PUM2: variants seen among roughly 807,000 people sequenced by gnomAD.
PUM2 encodes the protein pumilio RNA binding family member 2.
A neutral mutation model predicts 124.5 loss-of-function variants in PUM2; 57 were observed. That is an observed-to-expected ratio of 0.46 (90% CI 0.37 to 0.57). PUM2 has a LOEUF of 0.57. Among genes scored for constraint, PUM2 ranks in the 20% least tolerant of loss-of-function variants. The probability of loss-of-function intolerance (pLI) is 0.00; values close to 1 mark genes in which losing one functional copy is unlikely to be tolerated. For missense variants in PUM2, 1,065 were observed against 1,290.6 expected, an observed-to-expected ratio of 0.83 and a Z score of 2.68; for synonymous variants, 460 against 446.1, an observed-to-expected ratio of 1.03 and a Z score of -0.39.
At chr2:20,254,564 A>C (rs1286971918) in intron 19 of PUM2, among the ~76,000 whole-genome samples, 1 of 152,240 alleles carries the variant, frequency 6.6e-6, no homozygotes, top group Non-Finnish European at 1.5e-5. Flanking sequence ...AAAAAAGGAA[A>C]CCAGATCATT....
chr2:20,333,367 C>A (rs1311191452), intron 1 of PUM2, among the ~76,000 whole-genome samples: 2 of 151,848 alleles, frequency 1.3e-5, no homozygotes, highest in East Asian at 3.9e-4. Flanking sequence ...AGACCTAGCT[C>A]TACAAAAAAT....
intron 9 of PUM2, 75 bp from the exon 10 acceptor site, chr2:20,290,865 A>G: frequency 8.4e-7 from 1 of 1,189,004 alleles, no homozygotes; most frequent in South Asian, 2.0e-5. Context: ...ACAACTGTGT[A>G]TTTATTACAA....
chr2:20,350,692 G>A lies in PUM2; in HGVS notation c.-114C>T, dbSNP rs1371004083. 4 of 984,176 alleles carry A rather than the reference G, an allele frequency of 4.1e-6. No homozygotes were observed. The South Asian group carries it at 1.4e-4, about 35-fold the overall frequency. 61.0% of individuals were successfully genotyped at this position (984,176 alleles called of 1,614,324 possible). ...CGGTCCTCCCCCTCCTCCGCCTTCGGTGGCGGCAATGTCTTCTTTCTCCAC... is the reference window on the plus strand; with the variant it reads ...CGGTCCTCCCCCTCCTCCGCCTTCGATGGCGGCAATGTCTTCTTTCTCCAC... On this transcript the variant is annotated 5_prime_UTR_variant, in exon 1 of 21. Coordinates refer to ENST00000361078, the MANE Select transcript of PUM2 (RefSeq NM_015317.5).
At chr2:20,350,107 AC>A (rs1474037303) in intron 1 of PUM2, 1 of 152,236 alleles carries the variant, frequency 6.6e-6, no homozygotes, top group Non-Finnish European at 1.5e-5. Flanking sequence ...ACTGCTTCAT[AC>A]CCACATCTGT....
At chr2:20,292,854 G>A (rs115159587) in intron 9 of PUM2, among the ~76,000 whole-genome samples, 2,188 of 152,194 alleles carry the variant, frequency 0.014, 64 homozygotes, top group African/African-American at 0.049. Flanking sequence ...TTGCTGCCGG[G>A]AGGCAGAGGT....
chr2:20,350,428 C>A lies in PUM2; in HGVS notation c.-19+169G>T, dbSNP rs948498509. ...GCACACCCCCTTCCGGCACCCCTCC[C>A]CCTGCATTGTGCGAGCGGGCCCCAG... On this transcript the variant is annotated intron_variant, in intron 1 of 20. Transcript: ENST00000361078. The A allele has an allele frequency of 1.3e-5, 12 of 946,782 alleles. No individual in the cohort carries two copies. The Admixed American group carries it at 3.7e-4, about 29-fold the overall frequency. 58.6% of individuals were successfully genotyped at this position (946,782 alleles called of 1,614,324 possible).
chr2:20,338,682 A>G (rs1480606124), intron 1 of PUM2, among the ~76,000 whole-genome samples: 1 of 152,218 alleles, frequency 6.6e-6, no homozygotes, highest in Admixed American at 6.5e-5. Flanking sequence ...ATGAAATGCT[A>G]CTAGTTATGA....
intron 1 of PUM2, chr2:20,332,983 G>A (rs924754379): frequency 4.6e-5 from 7 of 152,016 alleles, no homozygotes; most frequent in East Asian, 1.9e-4. Flanking sequence ...AGAAATATAC[G>A]ACAGAAACTT....
intron 14 of PUM2, 34 bp downstream of exon 14, chr2:20,263,159 C>A (rs1380598631): frequency 2.0e-6 from 3 of 1,535,078 alleles, no homozygotes; most frequent in Non-Finnish European, 2.7e-6. Flanking sequence ...ATTTTCAAAG[C>A]AAAAATGAAG....
chr2:20,315,226 T>A (rs1254563360), intron 3 of PUM2, among the ~76,000 whole-genome samples: 1 of 151,430 alleles, frequency 6.6e-6, no homozygotes, highest in African/African-American at 2.4e-5. Flanking sequence ...AGGTAACCAA[T>A]GGGGAGGTGA....
chr2:20,317,201 GA>G (rs370069164), intron 3 of PUM2, among the ~76,000 whole-genome samples: 100 of 141,462 alleles, frequency 7.1e-4, no homozygotes, highest in Non-Finnish European at 8.7e-4. Flanking sequence ...TCTTAAAAAG[GA>G]AAAAAAAAAA....
chr2:20,329,921 A>C (rs1684547884), intron 1 of PUM2, among the ~76,000 whole-genome samples: 1 of 152,162 alleles, frequency 6.6e-6, no homozygotes, highest in Non-Finnish European at 1.5e-5. Flanking sequence ...TTGAAGAAAC[A>C]ATGGCCAGAA....
intron 8 of PUM2, among the ~76,000 whole-genome samples, chr2:20,296,140 T>G (rs959839982): frequency 1.1e-4 from 16 of 152,340 alleles, no homozygotes; most frequent in Admixed American, 1.0e-3. Flanking sequence ...TTGTCGTAGC[T>G]AAGATATCAA....
intron 16 of PUM2, 77 bp downstream of exon 16, chr2:20,258,166 A>T: frequency 7.6e-7 from 1 of 1,308,154 alleles, no homozygotes; most frequent in Non-Finnish European, 1.0e-6. Context: ...CTTCAAGATT[A>T]CTGTAAGATT....
intron 1 of PUM2, among the ~76,000 whole-genome samples, chr2:20,345,909 G>T (rs1425038840): frequency 6.6e-6 from 1 of 152,144 alleles, no homozygotes; most frequent in African/African-American, 2.4e-5. Context: ...GTGATGAAAA[G>T]ACACAATTTT....
chr2:20,325,659 T>TC (rs1323117142), intron 2 of PUM2, among the ~76,000 whole-genome samples: 1 of 151,102 alleles, frequency 6.6e-6, no homozygotes, highest in Non-Finnish European at 1.5e-5. Context: ...TCTCGGTTTG[T>TC]CCCCCAGGCC....
intron 1 of PUM2, among the ~76,000 whole-genome samples, chr2:20,331,531 A>G (rs1684903907): frequency 6.6e-6 from 1 of 152,042 alleles, no homozygotes; most frequent in African/African-American, 2.4e-5. Context: ...AAGTACTTCT[A>G]ATCTATGAGC....
chr2:20,260,910 A>C (rs559877433), intron 14 of PUM2, among the ~76,000 whole-genome samples: 9 of 152,296 alleles, frequency 5.9e-5, no homozygotes, highest in African/African-American at 2.2e-4. Context: ...CTCTGAAGGA[A>C]CTACCAACTA....
chr2:20,302,877 T>C (rs1677332045), intron 7 of PUM2, among the ~76,000 whole-genome samples: 1 of 152,200 alleles, frequency 6.6e-6, no homozygotes, highest in Non-Finnish European at 1.5e-5. Context: ...AAAACCAATA[T>C]GGACTGCAGT....
Sources: gnomAD v4.1 joint callset for allele counts (sites outside exome capture counted in the v4.1 genomes callset) on GRCh38, gnomAD v4.1.1 for gene constraint, MANE v1.5 for transcripts, NCBI Gene and HGNC (gene_info 2026-07-23, HGNC 2026-07-21) for gene names.